Variants in SCFD1 observed in about 807,000 individuals in gnomAD.
SCFD1 encodes the protein sec1 family domain-containing protein 1.
SCFD1 carries 37 observed loss-of-function variants against 103.2 expected under a neutral mutation model. The observed-to-expected ratio is 0.36, with a 90% CI of 0.28 to 0.47. SCFD1 has a LOEUF of 0.47. SCFD1 is among the 20% of genes least tolerant of loss of function. The pLI, the probability that SCFD1 is intolerant of heterozygous loss-of-function variation, is 1.00. For missense variants in SCFD1, 639 were observed against 761.2 expected (o/e 0.84, Z 1.89); for synonymous variants, 264 against 245.0 (o/e 1.08, Z -0.73).
At position 30,642,090 on chromosome 14, in the gene SCFD1, G is replaced by C. The variant is rs374587726; in HGVS notation, c.524-1226G>C. 6.6e-5 allele frequency among the ~76,000 whole-genome samples: 10 copies of C among 152,068 alleles called. No homozygotes were observed. The East Asian group carries it at 1.2e-3, about 18-fold the overall frequency. Reference sequence around the variant, plus strand: ...GAGGTGCTTGTCAAAATTATAGGTTGTTCCCCCGCCACCCCGAGACAGAGT... The same window carrying C: ...GAGGTGCTTGTCAAAATTATAGGTTCTTCCCCCGCCACCCCGAGACAGAGT... On this transcript the variant is annotated intron_variant, in intron 6 of 24. Transcript: ENST00000458591.
chr14:30,715,111 T>G (rs1892180954), intron 19 of SCFD1, among the ~76,000 whole-genome samples: 1 of 152,186 alleles, frequency 6.6e-6, no homozygotes, highest in Non-Finnish European at 1.5e-5. Context: ...ATAAAAATGG[T>G]CAATAAAGTT....
At chr14:30,710,081 A>G (rs1456487047) in intron 19 of SCFD1, among the ~76,000 whole-genome samples, 4 of 152,186 alleles carry the variant, frequency 2.6e-5, no homozygotes, top group Admixed American at 2.6e-4. Context: ...CCCCTATGAT[A>G]CCTGTAAAAG....
At position 30,693,574 on chromosome 14, in the gene SCFD1, C is replaced by G. The variant is rs1890471833; in HGVS notation, c.1243-1199C>G. On this transcript the variant is annotated intron_variant, in intron 14 of 24. Transcript: ENST00000458591. Reference sequence around the variant, plus strand: ...TTGTGCCTTGGCATGATCTGTTTAACTGAAATGAACTATATCTATGTCCCT... The same window carrying G: ...TTGTGCCTTGGCATGATCTGTTTAAGTGAAATGAACTATATCTATGTCCCT... Among the ~76,000 whole-genome samples, 4 of 152,176 alleles carry G rather than the reference C, an allele frequency of 2.6e-5. No homozygotes were observed. The South Asian group carries it at 8.3e-4, about 31-fold the overall frequency.
At position 30,634,041 on chromosome 14, in the gene SCFD1, A is replaced by G. The variant is rs1293709293; in HGVS notation, c.312+4A>G. ...AAATATTGACAGAATGTGCCAGGTA[A>G]TATGGGTTCTTATTTTCTGGACTCC... is the stretch of plus-strand genomic sequence containing the variant. On this transcript the variant is annotated splice_donor_region_variant and intron_variant, in intron 4 of 24. Transcript: ENST00000458591. 4 of 1,519,794 alleles carry G rather than the reference A, an allele frequency of 2.6e-6. No homozygotes were observed. Among genetic ancestry groups the G allele is most frequent in the Non-Finnish European group, 3.6e-6 (4 of 1,115,198 alleles). 94.1% of individuals were successfully genotyped at this position (1,519,794 alleles called of 1,614,324 possible).
At chr14:30,632,580 G>A (rs1450435127) in intron 3 of SCFD1, among the ~76,000 whole-genome samples, 1 of 152,040 alleles carries the variant, frequency 6.6e-6, no homozygotes, top group Non-Finnish European at 1.5e-5. Flanking sequence ...TAATTTTTAT[G>A]GACTGAAGTA....
At chr14:30,661,951 G>A (rs1002138785) in intron 10 of SCFD1, among the ~76,000 whole-genome samples, 5 of 151,980 alleles carry the variant, frequency 3.3e-5, no homozygotes, top group African/African-American at 1.2e-4. Context: ...CCTTATTCCT[G>A]TCTTAGAATT....
rs761609700 is a variant in SCFD1, at chr14:30,702,344, C to T, written c.1459C>T (p.Leu487Phe). ...AGCTTTAACTGATGCAGGATGCAAC[C>T]TTAATCCTTTACAATATATCAAACA... ...KKALTDAGCN[L>F]NPLQYIKQWK... The change falls in exon 17 of 25, where the codon CTT (leucine) becomes TTT (phenylalanine). Residue 487 changes from leucine (L) to phenylalanine (F), a missense_variant. Leu to Phe is a conservative substitution (Grantham distance 22). Coordinates refer to ENST00000458591, the MANE Select transcript of SCFD1 (RefSeq NM_016106.4). 6.3e-7 allele frequency: 1 copy of T among 1,597,518 alleles called. No individual in the cohort carries two copies. Among genetic ancestry groups the T allele is most frequent in the South Asian group, 1.1e-5 (1 of 87,662 alleles).
chr14:30,660,133 A>G (rs1887303865), intron 10 of SCFD1, among the ~76,000 whole-genome samples: 1 of 152,182 alleles, frequency 6.6e-6, no homozygotes, highest in African/African-American at 2.4e-5. Flanking sequence ...AAATACATCT[A>G]TACATGGCAT....
At chr14:30,633,447 T>C (rs2139014654) in intron 3 of SCFD1, among the ~76,000 whole-genome samples, 1 of 152,356 alleles carries the variant, frequency 6.6e-6, no homozygotes, top group South Asian at 2.1e-4. Flanking sequence ...AACATTTATA[T>C]ACCTTTCATT....
intron 3 of SCFD1, among the ~76,000 whole-genome samples, chr14:30,631,150 G>A (rs1009251627): frequency 1.3e-5 from 2 of 152,040 alleles, no homozygotes; most frequent in African/African-American, 2.4e-5. Context: ...TCAGGAGTTC[G>A]AGACCAGCCT....
At chr14:30,625,573 T>A (rs1883306840) in intron 1 of SCFD1, among the ~76,000 whole-genome samples, 1 of 147,934 alleles carries the variant, frequency 6.8e-6, no homozygotes, top group Admixed American at 6.8e-5. Context: ...ACACAGGCCG[T>A]GTACTCCATT....
At chr14:30,622,532 T>G in intron 1 of SCFD1, 133 bp downstream of exon 1, 1 of 1,393,294 alleles carries the variant, frequency 7.2e-7, no homozygotes, top group African/African-American at 1.4e-5. Flanking sequence ...GCCCCTCCCC[T>G]TTGAGTTTTT....
chr14:30,646,530 G>A (rs1003152683), intron 7 of SCFD1, among the ~76,000 whole-genome samples: 1 of 151,984 alleles, frequency 6.6e-6, no homozygotes, highest in East Asian at 1.9e-4. Flanking sequence ...TTAATATTCT[G>A]TTGAAGATTT....
chr14:30,634,832 A>C (rs761076000), intron 4 of SCFD1: 13 of 455,896 alleles, frequency 2.9e-5, no homozygotes, highest in Non-Finnish European at 5.3e-5. Flanking sequence ...GAAGAGGGAC[A>C]TGGACTGTGC....
intron 4 of SCFD1, among the ~76,000 whole-genome samples, chr14:30,636,722 C>G (rs1049520538): frequency 6.6e-6 from 1 of 151,924 alleles, no homozygotes; most frequent in Non-Finnish European, 1.5e-5. Context: ...TTCCAAATTA[C>G]GATTAGCTTG....
intron 7 of SCFD1, 102 bp from the exon 8 acceptor site, chr14:30,649,426 G>T (rs1305031314): frequency 5.4e-6 from 4 of 734,046 alleles, no homozygotes; most frequent in Non-Finnish European, 9.0e-6. Flanking sequence ...ACGTGAAATT[G>T]TATGTATCTA....
intron 4 of SCFD1, among the ~76,000 whole-genome samples, chr14:30,636,893 C>G (rs998971667): frequency 1.3e-4 from 20 of 151,926 alleles, no homozygotes; most frequent in Admixed American, 6.6e-5. Flanking sequence ...CCTTGCTGAA[C>G]TTATATGTCC....
chr14:30,654,886 A>G (rs896397236), intron 10 of SCFD1, among the ~76,000 whole-genome samples: 2 of 152,210 alleles, frequency 1.3e-5, no homozygotes, highest in Admixed American at 6.5e-5. Context: ...GAAGAATCAA[A>G]GGGACTCTTA....
intron 15 of SCFD1, among the ~76,000 whole-genome samples, chr14:30,695,501 GGGAGAGAGGT>G (rs1233248625): frequency 6.6e-6 from 1 of 152,108 alleles, no homozygotes; most frequent in Non-Finnish European, 1.5e-5. Context: ...GGCCAGGAAA[GGGAGAGAGGT>G]GGAGGGATGA....
Sources: gnomAD v4.1 joint callset for allele counts (sites outside exome capture counted in the v4.1 genomes callset) on GRCh38, gnomAD v4.1.1 for gene constraint, MANE v1.5 for transcripts, NCBI Gene and HGNC (gene_info 2026-07-23, HGNC 2026-07-21) for gene names.